NCKAP5: variants seen among roughly 807,000 people sequenced by gnomAD.
NCKAP5 encodes the protein nck-associated protein 5.
Under a neutral mutation model 167.0 loss-of-function variants are expected in NCKAP5, and 92 were observed. The ratio of observed to expected loss-of-function variants is 0.55; its 90% confidence interval spans 0.47 to 0.66. The LOEUF (loss-of-function observed/expected upper bound fraction) is 0.66. NCKAP5 is among the 30% of genes least tolerant of loss of function. The pLI is 0.00. For synonymous variants in NCKAP5, 891 were observed against 877.4 expected (o/e 1.02, Z -0.27); for missense variants, 2,378 against 2,315.0 (o/e 1.03, Z -0.56).
At chr2:132,866,257 A>G (rs1049357321) in intron 10 of NCKAP5, among the ~76,000 whole-genome samples, 1 of 152,242 alleles carries the variant, frequency 6.6e-6, no homozygotes, top group African/African-American at 2.4e-5. Context: ...AAACAAACCC[A>G]AAACACTGAA....
intron 3 of NCKAP5, among the ~76,000 whole-genome samples, chr2:133,467,875 A>G (rs1692722689): frequency 7.5e-6 from 1 of 133,032 alleles, no homozygotes. Context: ...ATCATTTTTT[A>G]TTGTGTCTAT....
intron 3 of NCKAP5, among the ~76,000 whole-genome samples, chr2:133,389,358 T>C (rs765941776): frequency 2.0e-5 from 3 of 152,226 alleles, no homozygotes; most frequent in Admixed American, 6.5e-5. Flanking sequence ...TGTGTCTTGT[T>C]ATCTCAGACT....
chr2:133,153,086 A>T (rs2083440136), intron 5 of NCKAP5, among the ~76,000 whole-genome samples: 1 of 152,238 alleles, frequency 6.6e-6, no homozygotes, highest in Non-Finnish European at 1.5e-5. Flanking sequence ...TTAAAACCAT[A>T]GAGACACTAA....
chr2:133,227,072 G>A (rs1035165709), intron 4 of NCKAP5, among the ~76,000 whole-genome samples: 1 of 152,132 alleles, frequency 6.6e-6, no homozygotes, highest in Non-Finnish European at 1.5e-5. Context: ...TAGAGGAAAT[G>A]GCAGTCACAT....
chr2:133,008,183 GT>G (rs775753013), intron 6 of NCKAP5, among the ~76,000 whole-genome samples: 2 of 151,984 alleles, frequency 1.3e-5, no homozygotes, highest in African/African-American at 4.8e-5. Context: ...CCCATTGGGT[GT>G]TACTTTTTTC....
At chr2:132,743,575 G>C (rs2105608292) in intron 16 of NCKAP5, among the ~76,000 whole-genome samples, 1 of 151,568 alleles carries the variant, frequency 6.6e-6, no homozygotes, top group African/African-American at 2.4e-5. Context: ...AGGAAATAAA[G>C]CAGAATCAAT....
intron 3 of NCKAP5, among the ~76,000 whole-genome samples, chr2:133,478,396 G>A (rs1473832970): frequency 6.6e-6 from 1 of 152,148 alleles, no homozygotes; most frequent in African/African-American, 2.4e-5. Flanking sequence ...GGTGCAAGAG[G>A]AACCCTGGAT....
chr2:132,730,445 G>A (rs1301743975), intron 17 of NCKAP5, among the ~76,000 whole-genome samples: 2 of 152,166 alleles, frequency 1.3e-5, no homozygotes, highest in African/African-American at 4.8e-5. Flanking sequence ...CAGAGAGCCA[G>A]GATTGCACCA....
chr2:133,190,362 T>C (rs1244305155), intron 5 of NCKAP5, among the ~76,000 whole-genome samples: 4 of 152,194 alleles, frequency 2.6e-5, no homozygotes, highest in Non-Finnish European at 5.9e-5. Context: ...AGGTAAATTA[T>C]GTATTCAATG....
At chr2:132,942,859 T>G (rs994619917) in intron 8 of NCKAP5, among the ~76,000 whole-genome samples, 1 of 152,196 alleles carries the variant, frequency 6.6e-6, no homozygotes, top group Admixed American at 6.5e-5. Context: ...TATCTCTGCC[T>G]AACACAATGC....
In NCKAP5 at chr2:133,321,606, A is replaced by G. The variant is rs188509075; in HGVS notation, c.70-18496T>C. 1.1e-3 allele frequency among the ~76,000 whole-genome samples: 175 copies of G among 152,320 alleles called. 1 individual carries two copies. The highest frequency in any genetic ancestry group is 4.1e-3 in the African/African-American group (170 of 41,562). ...TATCCCTTAGACTGAAAAGTCAGACATGGTAGAAATGTTTTATAAAAGAAG... is the reference window on the plus strand; with the variant it reads ...TATCCCTTAGACTGAAAAGTCAGACGTGGTAGAAATGTTTTATAAAAGAAG... On this transcript the variant is annotated intron_variant, in intron 3 of 19. Coordinates refer to ENST00000409261, the MANE Select transcript of NCKAP5 (RefSeq NM_207363.3).
At position 133,566,022 on chromosome 2, in the gene NCKAP5, C is replaced by T. The variant is rs182962528; in HGVS notation, c.-130+2194G>A. ...AAATGGCACAAGATACCATGACAGT[C>T]GAAACAAGTGAATCACCACTTGGAC... is the stretch of plus-strand genomic sequence containing the variant. On this transcript the variant is annotated intron_variant, in intron 1 of 19. Coordinates refer to ENST00000409261, the MANE Select transcript of NCKAP5 (RefSeq NM_207363.3). Among the ~76,000 whole-genome samples, 936 of 152,236 alleles carry T rather than the reference C, an allele frequency of 6.1e-3. 30 individuals carry two copies. Among genetic ancestry groups the T allele is most frequent in the Admixed American group, 0.054 (830 of 15,268 alleles).
At chr2:133,306,084 A>G (rs1680755346) in intron 3 of NCKAP5, among the ~76,000 whole-genome samples, 1 of 152,232 alleles carries the variant, frequency 6.6e-6, no homozygotes, top group Non-Finnish European at 1.5e-5. Flanking sequence ...AAATAGGATT[A>G]CTCCTAGGGG....
At chr2:133,197,391 C>A (rs1030979356) in intron 5 of NCKAP5, among the ~76,000 whole-genome samples, 1 of 152,180 alleles carries the variant, frequency 6.6e-6, no homozygotes, top group Non-Finnish European at 1.5e-5. Flanking sequence ...GAACTTGAGG[C>A]CTGAACCTCA....
At chr2:133,095,883 A>T (rs1196015715) in intron 6 of NCKAP5, among the ~76,000 whole-genome samples, 1 of 152,130 alleles carries the variant, frequency 6.6e-6, no homozygotes, top group African/African-American at 2.4e-5. Context: ...TAATATCAGC[A>T]ATCTTACAAA....
At chr2:133,202,605 G>A (rs529414680) in intron 5 of NCKAP5, among the ~76,000 whole-genome samples, 138 of 152,130 alleles carry the variant, frequency 9.1e-4, no homozygotes, top group African/African-American at 3.3e-3. Context: ...CAGGCAACCT[G>A]CAGAATGGGA....
chr2:133,263,573 G>T (rs2089025344), intron 4 of NCKAP5, among the ~76,000 whole-genome samples: 1 of 152,028 alleles, frequency 6.6e-6, no homozygotes, highest in Non-Finnish European at 1.5e-5. Flanking sequence ...ATGACTATCA[G>T]CTAGCATTAT....
At chr2:133,485,318 C>T (rs1159357320) in intron 3 of NCKAP5, among the ~76,000 whole-genome samples, 1 of 152,112 alleles carries the variant, frequency 6.6e-6, no homozygotes. Flanking sequence ...CTCTAATTCC[C>T]TAAAATGTGG....
chr2:132,881,463 T>C (rs1433471680), intron 8 of NCKAP5, among the ~76,000 whole-genome samples: 1 of 151,980 alleles, frequency 6.6e-6, no homozygotes, highest in Non-Finnish European at 1.5e-5. Flanking sequence ...ACATGAGCCA[T>C]TGCACCCGGC....
Sources: gnomAD v4.1 joint callset for allele counts (sites outside exome capture counted in the v4.1 genomes callset) on GRCh38, gnomAD v4.1.1 for gene constraint, MANE v1.5 for transcripts, NCBI Gene and HGNC (gene_info 2026-07-23, HGNC 2026-07-21) for gene names.